The following ZNF804B variants were observed in gnomAD, a reference collection of about 807,000 sequenced individuals.
ZNF804B encodes zinc finger protein 804B.
ZNF804B carries 80 observed loss-of-function variants against 101.4 expected under a neutral mutation model. That is an observed-to-expected ratio of 0.79 (90% CI 0.66 to 0.95). The LOEUF (loss-of-function observed/expected upper bound fraction) is 0.95, where lower values mean the gene tolerates loss of function less well. Ranked by LOEUF, ZNF804B falls within the 40% of genes least tolerant of loss-of-function variation. ZNF804B has a pLI of 0.00. For synonymous variants in ZNF804B, 622 were observed against 558.8 expected (o/e 1.11, Z -1.59); for missense variants, 1,673 against 1,561.9 (o/e 1.07, Z -1.20).
At chr7:89,216,708 G>A (rs561732106) in intron 1 of ZNF804B, among the ~76,000 whole-genome samples, 2 of 152,052 alleles carry the variant, frequency 1.3e-5, no homozygotes, top group Non-Finnish European at 2.9e-5. Flanking sequence ...TGTTACACAC[G>A]TCTAAATTAA....
chr7:89,095,979 G>A (rs902644324), intron 1 of ZNF804B, among the ~76,000 whole-genome samples: 4 of 151,734 alleles, frequency 2.6e-5, no homozygotes, highest in East Asian at 2.0e-4. Context: ...GTGAAACCCC[G>A]TCTCTACTAA....
intron 1 of ZNF804B, among the ~76,000 whole-genome samples, chr7:89,070,850 A>G (rs1789525787): frequency 6.6e-6 from 1 of 152,096 alleles, no homozygotes; most frequent in Admixed American, 6.5e-5. Context: ...GTAGAGAAAG[A>G]GAAAAACTGT....
chr7:89,070,506 A>C (rs976441331), intron 1 of ZNF804B, among the ~76,000 whole-genome samples: 2 of 152,176 alleles, frequency 1.3e-5, no homozygotes, highest in Non-Finnish European at 2.9e-5. Flanking sequence ...GCTGTCTGCT[A>C]ATACCATCTC....
chr7:88,915,856 A>G (rs1391141316), intron 1 of ZNF804B, among the ~76,000 whole-genome samples: 2 of 150,970 alleles, frequency 1.3e-5, no homozygotes, highest in East Asian at 1.9e-4. Flanking sequence ...AACAATATCT[A>G]TGATATAATA....
At chr7:88,930,447 G>A (rs1300094222) in intron 1 of ZNF804B, among the ~76,000 whole-genome samples, 2 of 151,916 alleles carry the variant, frequency 1.3e-5, no homozygotes, top group Non-Finnish European at 2.9e-5. Flanking sequence ...CAAGAAATAT[G>A]CATCAGCAAT....
intron 1 of ZNF804B, among the ~76,000 whole-genome samples, chr7:88,851,530 A>T (rs752362108): frequency 5.3e-5 from 8 of 152,086 alleles, no homozygotes; most frequent in Non-Finnish European, 1.0e-4. Flanking sequence ...ACCTACCAAA[A>T]ATACCATTTA....
chr7:89,084,911 T>C (rs1276006102), intron 1 of ZNF804B, among the ~76,000 whole-genome samples: 1 of 151,964 alleles, frequency 6.6e-6, no homozygotes, highest in Non-Finnish European at 1.5e-5. Flanking sequence ...AAAAATACTA[T>C]GGTGAAAAAC....
chr7:88,902,089 G>A (rs116940508), intron 1 of ZNF804B, among the ~76,000 whole-genome samples: 2,374 of 151,914 alleles, frequency 0.016, 33 homozygotes, highest in Middle Eastern at 0.041. Context: ...TCATTCTTTT[G>A]ATTTAGCTCT....
chr7:89,285,416 G>A (rs951433638), intron 2 of ZNF804B, among the ~76,000 whole-genome samples: 2 of 150,156 alleles, frequency 1.3e-5, no homozygotes, highest in Admixed American at 6.7e-5. Flanking sequence ...CTAGCTACTT[G>A]GGAGGCTGAG....
At chr7:88,921,280 A>G (rs1792715144) in intron 1 of ZNF804B, among the ~76,000 whole-genome samples, 1 of 152,018 alleles carries the variant, frequency 6.6e-6, no homozygotes, top group Non-Finnish European at 1.5e-5. Flanking sequence ...TGAAGTATCA[A>G]GTTTTACTAA....
chr7:89,038,508 G>T (rs1036430369), intron 1 of ZNF804B, among the ~76,000 whole-genome samples: 1 of 151,956 alleles, frequency 6.6e-6, no homozygotes, highest in African/African-American at 2.4e-5. Context: ...TTTTAGTTGG[G>T]TTATTTGTTT....
intron 1 of ZNF804B, among the ~76,000 whole-genome samples, chr7:88,823,947 G>T (rs1248879301): frequency 6.6e-6 from 1 of 152,134 alleles, no homozygotes; most frequent in African/African-American, 2.4e-5. Context: ...TGCTCAGAGA[G>T]AAAGGAAAAT....
chr7:89,043,234 G>A (rs1789046234), intron 1 of ZNF804B, among the ~76,000 whole-genome samples: 1 of 152,094 alleles, frequency 6.6e-6, no homozygotes, highest in South Asian at 2.1e-4. Context: ...AAGGAAAAAT[G>A]GAATTTCTTG....
At chr7:89,005,875 T>C (rs1450451755) in intron 1 of ZNF804B, among the ~76,000 whole-genome samples, 3 of 152,232 alleles carry the variant, frequency 2.0e-5, no homozygotes, top group African/African-American at 7.2e-5. Context: ...CCAGATTCTT[T>C]ATTATGTAAA....
chr7:89,122,034 TATTA>T (rs1179802878), intron 1 of ZNF804B, among the ~76,000 whole-genome samples: 4 of 151,558 alleles, frequency 2.6e-5, no homozygotes, highest in African/African-American at 4.8e-5. Flanking sequence ...TATATGTATA[TATTA>T]ATTATGCTAT....
chr7:89,050,158 TAA>T (rs1789176264), intron 1 of ZNF804B, among the ~76,000 whole-genome samples: 1 of 152,110 alleles, frequency 6.6e-6, no homozygotes, highest in South Asian at 2.1e-4. Flanking sequence ...TTTCGGAAGA[TAA>T]AGTTTTAAAA....
rs150874863 is a variant in ZNF804B at position 88,810,700 on chromosome 7, C to T, written c.108+50616C>T. Among the ~76,000 whole-genome samples, 563 of 151,634 alleles carry T rather than the reference C, an allele frequency of 3.7e-3. 2 individuals are homozygous for T. Among genetic ancestry groups the T allele is most frequent in the Non-Finnish European group, 5.3e-3 (363 of 67,876 alleles). ...AAAAAAGCATAAAAAAGTATTAAAG[C>T]GTAAACAATAAAGCAATAGCTTTAT... On this transcript the variant is annotated intron_variant, in intron 1 of 3. Coordinates refer to ENST00000333190, the MANE Select transcript of ZNF804B (RefSeq NM_181646.5).
At chr7:89,267,278 T>C (rs1415037880) in intron 2 of ZNF804B, among the ~76,000 whole-genome samples, 1 of 152,176 alleles carries the variant, frequency 6.6e-6, no homozygotes, top group Non-Finnish European at 1.5e-5. Context: ...GCTCTATCCA[T>C]TGTAATTTCT....
Position 88,941,639 on chromosome 7 carries a change from G to T in ZNF804B, c.108+181555G>T, listed in dbSNP as rs1793056217. Among the ~76,000 whole-genome samples the T allele has an allele frequency of 2.6e-5, 4 of 151,934 alleles. No homozygotes were observed. In the South Asian group the frequency reaches 8.3e-4, roughly 31 times the overall value. ...AGAGATGAACAGACAGAGCACAGAT[G>T]ATTTTTAAGACAGTGGATCTATTTT... On this transcript the variant is annotated intron_variant, in intron 1 of 3. Transcript: ENST00000333190.
Sources: allele counts gnomAD v4.1 joint callset (sites outside exome capture counted in the v4.1 genomes callset), GRCh38; gene constraint gnomAD v4.1.1; transcripts MANE v1.5; gene names NCBI Gene and HGNC (gene_info 2026-07-23, HGNC 2026-07-21).